The following GGT5 variants were observed in gnomAD, a reference collection of about 807,000 sequenced individuals.
GGT5 encodes glutathione hydrolase 5 proenzyme.
GGT5 carries 50 observed loss-of-function variants against 58.1 expected under a neutral mutation model. The observed-to-expected ratio is 0.86, with a 90% CI of 0.69 to 1.09. The LOEUF is 1.09. GGT5 is among the 50% of genes least tolerant of loss of function. The probability of loss-of-function intolerance (pLI) is 0.00; values close to 1 mark genes in which losing one functional copy is unlikely to be tolerated. For missense variants in GGT5, 800 were observed against 789.4 expected (o/e 1.01, Z -0.16); for synonymous variants, 370 against 346.1 (o/e 1.07, Z -0.77).
chr22:24,226,775 G>A lies in GGT5; in HGVS notation c.902-8C>T. 1 of 1,613,878 alleles carries A rather than the reference G, an allele frequency of 6.2e-7. No individual in the cohort carries two copies. The highest frequency in any genetic ancestry group is 8.5e-7 in the Non-Finnish European group (1 of 1,179,806). On this transcript the variant is annotated splice_polypyrimidine_tract_variant and splice_region_variant and intron_variant, in intron 6 of 11. Transcript: ENST00000327365. Reference sequence around the variant, plus strand: ...CTGTTGAGAAGTTGAACCCTGGAGAGAGGTTGGGGCACAGGTTGGTTGGGG... The same window carrying A: ...CTGTTGAGAAGTTGAACCCTGGAGAAAGGTTGGGGCACAGGTTGGTTGGGG...
In GGT5 at chr22:24,233,962, G is replaced by A. The variant is rs8142028; in HGVS notation, c.216C>T (p.Ile72=). 611 of 1,613,456 alleles carry A rather than the reference G, an allele frequency of 3.8e-4. 2 individuals carry two copies. In the African/African-American group the frequency reaches 7.1e-3, roughly 19 times the overall value. ...CGACGCTGGTGCAGACCAGAGCCGCGATGGTGGCATCCACGGGTGAGCCCT... is the reference window on the plus strand; with the variant it reads ...CGACGCTGGTGCAGACCAGAGCCGCAATGGTGGCATCCACGGGTGAGCCCT... ...QQQGSPVDAT[I]AALVCTSVVN... The change falls in exon 2 of 12, where the codon ATC becomes ATT. Residue 72 remains isoleucine (I), a synonymous_variant. Coordinates refer to ENST00000327365, the MANE Select transcript of GGT5 (RefSeq NM_004121.5).
intron 1 of GGT5, among the ~76,000 whole-genome samples, chr22:24,234,306 C>T (rs1480103193): frequency 6.6e-6 from 1 of 152,226 alleles, no homozygotes; most frequent in Non-Finnish European, 1.5e-5. Context: ...AGCTCATATG[C>T]TACAGGCAGA....
chr22:24,228,048 C>CAAAAAAAAAAAAAA (rs1273239063), intron 6 of GGT5, among the ~76,000 whole-genome samples: 340 of 20,858 alleles, frequency 0.016, 12 homozygotes, highest in Non-Finnish European at 0.024. Context: ...GACTCTGTCT[C>CAAAAAAAAAAAAAA]AAAAAAAAAA....
At position 24,232,918 on chromosome 22, in the gene GGT5, G is replaced by A. The variant is rs762427899; in HGVS notation, c.501C>T (p.Ile167=). The A allele has an allele frequency of 3.8e-6, 6 of 1,579,640 alleles. No homozygotes were observed. The highest frequency in any genetic ancestry group is 2.3e-5 in the South Asian group (2 of 86,448). ...LPWAQLFQPT[I]ALLRGGHVVA... Reference sequence around the variant, plus strand: ...CCACATGCCCCCCTCGGAGCAGCGCGATGGTGGGCTGGAACAGCTGCGCCC... The same window carrying A: ...CCACATGCCCCCCTCGGAGCAGCGCAATGGTGGGCTGGAACAGCTGCGCCC... The change falls in exon 4 of 12, where the codon ATC becomes ATT. Residue 167 remains isoleucine, a synonymous_variant. Transcript: ENST00000327365.
chr22:24,221,088 A>G (rs2047576213), intron 11 of GGT5, among the ~76,000 whole-genome samples: 1 of 152,132 alleles, frequency 6.6e-6, no homozygotes, highest in South Asian at 2.1e-4. Context: ...AAAGAGATCT[A>G]ACTTAATCGA....
chr22:24,244,546 C>G lies in GGT5; in HGVS notation c.173+7G>C, dbSNP rs2048419665. ...GGCCACCCAGCTTCCTCCCACGTCT[C>G]ACTCACCGTCCAATATCCGAGCAGA... On this transcript the variant is annotated splice_region_variant and intron_variant, in intron 1 of 11. Coordinates refer to ENST00000327365, the MANE Select transcript of GGT5 (RefSeq NM_004121.5). The G allele has an allele frequency of 6.2e-7, 1 of 1,608,976 alleles. No homozygotes were observed. Among genetic ancestry groups the G allele is most frequent in the Non-Finnish European group, 8.5e-7 (1 of 1,177,364 alleles).
chr22:24,240,241 T>C (rs1321493317), intron 1 of GGT5, among the ~76,000 whole-genome samples: 1 of 151,898 alleles, frequency 6.6e-6, no homozygotes, highest in African/African-American at 2.4e-5. Flanking sequence ...AAAAAGGAAA[T>C]TGAATAATAA....
At position 24,220,049 on chromosome 22, in the gene GGT5, A is replaced by G. The variant is rs748797403; in HGVS notation, c.1682T>C (p.Val561Ala). 3 of 1,613,988 alleles carry G rather than the reference A, an allele frequency of 1.9e-6. No individual in the cohort carries two copies. In the South Asian group the frequency reaches 3.3e-5, roughly 18 times the overall value. Residue 561 changes from valine to alanine, a missense_variant, in exon 12 of 12, where the codon GTC (valine) becomes GCC (alanine). Val to Ala is a moderately conservative substitution (Grantham distance 64). Transcript: ENST00000327365. The part of the protein sequence containing the change: ...QTQRPFFLNV[V>A]QAVSQEGACV... Reference sequence around the variant, plus strand: ...GGCCCCCTCCTGGGACACAGCCTGGACCACGTTCAGGAAGAAGGGCCTCTG... The same window carrying G: ...GGCCCCCTCCTGGGACACAGCCTGGGCCACGTTCAGGAAGAAGGGCCTCTG...
At chr22:24,238,367 T>A (rs752523725) in intron 1 of GGT5, among the ~76,000 whole-genome samples, 1 of 151,576 alleles carries the variant, frequency 6.6e-6, no homozygotes, top group Non-Finnish European at 1.5e-5. Context: ...CTGTCTCTAC[T>A]ACAAATACAA....
intron 5 of GGT5, 49 bp downstream of exon 5, chr22:24,231,996 AGAACTT>A (rs1480465874): frequency 1.3e-6 from 2 of 1,497,776 alleles, no homozygotes; most frequent in Admixed American, 3.4e-5. Context: ...CCCAGTGCCC[AGAACTT>A]GGCTCTTCCT....
chr22:24,236,261 C>T (rs1250027132), intron 1 of GGT5, among the ~76,000 whole-genome samples: 1 of 152,138 alleles, frequency 6.6e-6, no homozygotes, highest in South Asian at 2.1e-4. Flanking sequence ...CAACCACTCC[C>T]CCTTTTGCTC....
intron 2 of GGT5, 60 bp downstream of exon 2, chr22:24,233,814 G>A (rs752550613): frequency 1.6e-5 from 24 of 1,509,896 alleles, no homozygotes; most frequent in Non-Finnish European, 1.9e-5. Context: ...GCTGGAGAAG[G>A]GGTTACGCAG....
intron 8 of GGT5, 100 bp from the exon 9 acceptor site, chr22:24,225,752 G>GC (rs1463121164): frequency 2.6e-6 from 2 of 767,794 alleles, no homozygotes; most frequent in East Asian, 2.7e-5. Context: ...TTTTACAGCT[G>GC]CCCCGAAGCA....
intron 11 of GGT5, chr22:24,220,499 G>A: frequency 2.2e-6 from 1 of 463,906 alleles, no homozygotes; most frequent in Non-Finnish European, 4.3e-6. Flanking sequence ...CACCTGTAAT[G>A]CCAGCAATTT....
chr22:24,219,809 C>G lies in GGT5; in HGVS notation c.*161G>C. ...AAGGGGGTTAGGGATGAGGCTCAGCCTCTCATCTGCCCAGCTGGTCCCCGC... is the reference window on the plus strand; with the variant it reads ...AAGGGGGTTAGGGATGAGGCTCAGCGTCTCATCTGCCCAGCTGGTCCCCGC... On this transcript the variant is annotated 3_prime_UTR_variant, in exon 12 of 12. Transcript: ENST00000327365. 1 of 661,024 alleles carries G rather than the reference C, an allele frequency of 1.5e-6. No individual in the cohort carries two copies. The highest frequency in any genetic ancestry group is 1.9e-5 in the South Asian group (1 of 52,438). The allele number at this position is 661,024 out of a possible 1,614,324, so 40.9% of individuals were successfully genotyped here.
At chr22:24,237,219 C>T (rs545977266) in intron 1 of GGT5, among the ~76,000 whole-genome samples, 13 of 151,862 alleles carry the variant, frequency 8.6e-5, no homozygotes, top group East Asian at 3.9e-4. Context: ...TGCTGTTGAC[C>T]TACTCATGTG....
rs147119021 is a variant in GGT5 at position 24,230,932 on chromosome 22, G to C, written c.901+452C>G. 6.6e-5 allele frequency among the ~76,000 whole-genome samples: 10 copies of C among 152,312 alleles called. No individual in the cohort carries two copies. In the East Asian group the frequency reaches 1.9e-3, roughly 29 times the overall value. ...TGTTATTTTAAGCCACCAAGCTTGT[G>C]GTGATTTGTAATGGCAGACACAGGA... On this transcript the variant is annotated intron_variant, in intron 6 of 11. Coordinates refer to ENST00000327365, the MANE Select transcript of GGT5 (RefSeq NM_004121.5).
Position 24,219,829 on chromosome 22 carries a change from C to T in GGT5, c.*141G>A. 2 of 766,456 alleles carry T rather than the reference C, an allele frequency of 2.6e-6. No homozygotes were observed. The highest frequency in any genetic ancestry group is 4.2e-6 in the Non-Finnish European group (2 of 477,782). The allele number at this position is 766,456 out of a possible 1,614,324, so 47.5% of individuals were successfully genotyped here. ...TCAGCCTCTCATCTGCCCAGCTGGT[C>T]CCCGCCACCTCTTCCACTCTCAGCT... On this transcript the variant is annotated 3_prime_UTR_variant, in exon 12 of 12. Transcript: ENST00000327365.
At chr22:24,221,206 C>A (rs905740098) in intron 11 of GGT5, among the ~76,000 whole-genome samples, 1 of 152,188 alleles carries the variant, frequency 6.6e-6, no homozygotes, top group African/African-American at 2.4e-5. Context: ...ACGGTAACAG[C>A]CCTTTCCCAA....
Sources: gnomAD v4.1 joint callset for allele counts (sites outside exome capture counted in the v4.1 genomes callset) on GRCh38, gnomAD v4.1.1 for gene constraint, MANE v1.5 for transcripts, NCBI Gene and HGNC (gene_info 2026-07-23, HGNC 2026-07-21) for gene names.